CTNNA3: variants seen among roughly 807,000 people sequenced by gnomAD.
CTNNA3 encodes the protein catenin alpha-3.
In CTNNA3, 76 loss-of-function variants were observed where a neutral mutation model predicts 95.7. The observed-to-expected ratio is 0.79, with a 90% confidence interval of 0.66 to 0.96. CTNNA3 has a LOEUF of 0.96. Ranked by LOEUF, CTNNA3 falls within the 40% of genes least tolerant of loss-of-function variation. The probability of loss-of-function intolerance (pLI) is 0.00; values close to 1 mark genes in which losing one functional copy is unlikely to be tolerated. For missense variants in CTNNA3, 1,191 were observed against 1,089.8 expected (o/e 1.09, Z -1.31); for synonymous variants, 431 against 374.4 (o/e 1.15, Z -1.74).
intron 12 of CTNNA3, among the ~76,000 whole-genome samples, chr10:66,319,934 G>A (rs1175957309): frequency 6.6e-6 from 1 of 152,076 alleles, no homozygotes. Context: ...ATTTAATACT[G>A]AGAGAAAACT....
chr10:67,218,939 T>A (rs1032195662), intron 6 of CTNNA3, among the ~76,000 whole-genome samples: 2 of 152,154 alleles, frequency 1.3e-5, no homozygotes, highest in Non-Finnish European at 2.9e-5. Context: ...TAACTTGGAG[T>A]AAAAGCCAAA....
At chr10:66,339,173 C>T (rs1376573559) in intron 12 of CTNNA3, among the ~76,000 whole-genome samples, 1 of 151,754 alleles carries the variant, frequency 6.6e-6, no homozygotes, top group African/African-American at 2.4e-5. Context: ...CAGTGAGCAA[C>T]ACATGGTAAG....
At chr10:65,985,309 A>G (rs979868685) in intron 16 of CTNNA3, among the ~76,000 whole-genome samples, 19 of 151,336 alleles carry the variant, frequency 1.3e-4, no homozygotes, top group African/African-American at 4.3e-4. Flanking sequence ...TATGAAGTTG[A>G]ACATAATATA....
At chr10:66,438,373 C>T (rs999782797) in intron 11 of CTNNA3, among the ~76,000 whole-genome samples, 3 of 152,182 alleles carry the variant, frequency 2.0e-5, no homozygotes, top group African/African-American at 7.2e-5. Context: ...GTGGCTTCTG[C>T]CTTTCTTTCA....
chr10:66,855,020 C>A (rs933076406), intron 7 of CTNNA3, among the ~76,000 whole-genome samples: 14 of 151,824 alleles, frequency 9.2e-5, no homozygotes, highest in African/African-American at 3.1e-4. Flanking sequence ...AACACAATGT[C>A]TGGCACATTA....
chr10:67,342,748 G>A (rs553164752), intron 5 of CTNNA3, among the ~76,000 whole-genome samples: 1 of 152,276 alleles, frequency 6.6e-6, no homozygotes, highest in South Asian at 2.1e-4. Flanking sequence ...TGAGTTCACT[G>A]CAGGTGTGTG....
chr10:65,953,837 A>G (rs540137208), intron 17 of CTNNA3, among the ~76,000 whole-genome samples: 16 of 152,314 alleles, frequency 1.1e-4, no homozygotes, highest in African/African-American at 3.6e-4. Flanking sequence ...ATAGTGCCAC[A>G]ATAAACATAT....
At chr10:66,289,728 G>A (rs1255936596) in intron 12 of CTNNA3, among the ~76,000 whole-genome samples, 1 of 151,756 alleles carries the variant, frequency 6.6e-6, no homozygotes, top group Admixed American at 6.6e-5. Flanking sequence ...TCCACATGTT[G>A]GTTTACAGAC....
intron 3 of CTNNA3, among the ~76,000 whole-genome samples, chr10:67,557,556 G>A (rs2133246222): frequency 6.6e-6 from 1 of 152,250 alleles, no homozygotes; most frequent in Non-Finnish European, 1.5e-5. Flanking sequence ...AATAGGTTCT[G>A]ATTTTACATC....
intron 3 of CTNNA3, among the ~76,000 whole-genome samples, chr10:67,576,470 T>A (rs1253946597): frequency 1.3e-5 from 2 of 152,090 alleles, no homozygotes; most frequent in Non-Finnish European, 2.9e-5. Context: ...AGTTTTTAGT[T>A]CCATGAGTGG....
At chr10:66,359,181 C>A (rs1294215443) in intron 12 of CTNNA3, among the ~76,000 whole-genome samples, 1 of 152,166 alleles carries the variant, frequency 6.6e-6, no homozygotes, top group Non-Finnish European at 1.5e-5. Flanking sequence ...CATCCAGACA[C>A]TTATATGATG....
At position 66,408,157 on chromosome 10, in the gene CTNNA3, T is replaced by G. The variant is rs181270474; in HGVS notation, c.1532-28805A>C. 3.3e-5 allele frequency among the ~76,000 whole-genome samples: 5 copies of G among 152,346 alleles called. No homozygotes were observed. In the East Asian group the frequency reaches 7.7e-4, roughly 24 times the overall value. The stretch of plus-strand genomic sequence containing the variant: ...TGCACAGATTCGACATAGTACTCAA[T>G]GTACAGTCAAATTCAAGTTTTGCTT... On this transcript the variant is annotated intron_variant, in intron 11 of 17. Transcript: ENST00000433211.
intron 13 of CTNNA3, among the ~76,000 whole-genome samples, chr10:66,222,137 G>A (rs1049860160): frequency 1.1e-4 from 16 of 152,264 alleles, no homozygotes; most frequent in Admixed American, 9.8e-4. Context: ...GAAAATAGCA[G>A]TCTCTACCTT....
intron 9 of CTNNA3, among the ~76,000 whole-genome samples, chr10:66,677,033 C>T (rs889402073): frequency 1.3e-5 from 2 of 152,008 alleles, no homozygotes; most frequent in African/African-American, 4.8e-5. Flanking sequence ...GGAAGAAATA[C>T]ATTAATTTAG....
intron 15 of CTNNA3, among the ~76,000 whole-genome samples, chr10:65,991,203 T>C (rs530369675): frequency 6.6e-6 from 1 of 152,204 alleles, no homozygotes; most frequent in South Asian, 2.1e-4. Context: ...GTGTCCTTTT[T>C]CCTGTTCTTT....
intron 11 of CTNNA3, among the ~76,000 whole-genome samples, chr10:66,420,822 TAAA>T (rs2093186090): frequency 4.3e-5 from 5 of 115,456 alleles, no homozygotes; most frequent in South Asian, 3.1e-4. Context: ...AATAAATAAA[TAAA>T]TAAATAAATA....
chr10:66,856,363 T>C (rs1212494367), intron 7 of CTNNA3, among the ~76,000 whole-genome samples: 1 of 152,018 alleles, frequency 6.6e-6, no homozygotes, highest in Non-Finnish European at 1.5e-5. Context: ...CTATTGTGAA[T>C]AGTGCTGCAA....
chr10:66,647,538 T>C (rs1431501099), intron 9 of CTNNA3, among the ~76,000 whole-genome samples: 1 of 146,164 alleles, frequency 6.8e-6, no homozygotes, highest in Non-Finnish European at 1.5e-5. Flanking sequence ...TGAGACAGAG[T>C]CTTGCTCTGT....
At position 67,324,852 on chromosome 10, in the gene CTNNA3, C is replaced by T. The variant is rs186329737; in HGVS notation, c.580-104982G>A. On this transcript the variant is annotated intron_variant, in intron 5 of 17. Coordinates refer to ENST00000433211, the MANE Select transcript of CTNNA3 (RefSeq NM_013266.4). ...TCCTTGTACATGTGGTAGAATTCAG[C>T]TATGAATCCACCTGGTTCTTGGCTT... 2.0e-5 allele frequency among the ~76,000 whole-genome samples: 3 copies of T among 152,190 alleles called. No homozygotes were observed. In the East Asian group the frequency reaches 5.8e-4, roughly 29 times the overall value.
Sources: allele counts gnomAD v4.1 joint callset (sites outside exome capture counted in the v4.1 genomes callset), GRCh38; gene constraint gnomAD v4.1.1; transcripts MANE v1.5; gene names NCBI Gene and HGNC (gene_info 2026-07-23, HGNC 2026-07-21).